TMEM132D: variants seen among roughly 807,000 people sequenced by gnomAD.
TMEM132D encodes the protein mature OL transmembrane protein.
A neutral mutation model predicts 62.3 loss-of-function variants in TMEM132D; 21 were observed. The ratio of observed to expected loss-of-function variants is 0.34; its 90% CI spans 0.24 to 0.49. The LOEUF is 0.49. TMEM132D is among the 20% of genes least tolerant of loss of function. TMEM132D has a pLI of 0.99. For missense variants in TMEM132D, 1,346 were observed against 1,402.8 expected (o/e 0.96, Z 0.65); for synonymous variants, 621 against 575.6 (o/e 1.08, Z -1.13).
chr12:129,139,453 A>G (rs1876675519), intron 5 of TMEM132D, among the ~76,000 whole-genome samples: 1 of 152,146 alleles, frequency 6.6e-6, no homozygotes, highest in Non-Finnish European at 1.5e-5. Context: ...CTGAACATCA[A>G]CCTTGCTCAT....
intron 3 of TMEM132D, among the ~76,000 whole-genome samples, chr12:129,520,472 C>G (rs1875817503): frequency 6.6e-6 from 1 of 152,132 alleles, no homozygotes; most frequent in Non-Finnish European, 1.5e-5. Context: ...CCAAATTGTC[C>G]TAGTTTTTCC....
At chr12:129,708,623 A>C (rs1329723282) in intron 1 of TMEM132D, among the ~76,000 whole-genome samples, 1 of 90,176 alleles carries the variant, frequency 1.1e-5, no homozygotes, top group African/African-American at 4.4e-5. Context: ...AAAAAAAAAA[A>C]AAAAAAAACA....
intron 2 of TMEM132D, among the ~76,000 whole-genome samples, chr12:129,645,741 G>A (rs1391197578): frequency 6.6e-6 from 1 of 152,152 alleles, no homozygotes; most frequent in African/African-American, 2.4e-5. Flanking sequence ...GAGAAGCCAG[G>A]CCAAATGCAC....
chr12:129,616,267 C>G (rs1157488779), intron 2 of TMEM132D, among the ~76,000 whole-genome samples: 1 of 152,152 alleles, frequency 6.6e-6, no homozygotes, highest in African/African-American at 2.4e-5. Flanking sequence ...ATCAGCGCCC[C>G]AATCTCATCA....
intron 3 of TMEM132D, among the ~76,000 whole-genome samples, chr12:129,481,367 G>A (rs1273246616): frequency 6.6e-6 from 1 of 151,496 alleles, no homozygotes; most frequent in Non-Finnish European, 1.5e-5. Flanking sequence ...GGAGGCTGAG[G>A]TGGGAGGATC....
intron 1 of TMEM132D, among the ~76,000 whole-genome samples, chr12:129,706,432 C>T (rs1040998695): frequency 6.6e-6 from 1 of 151,906 alleles, no homozygotes; most frequent in Admixed American, 6.6e-5. Flanking sequence ...ACACAATTCA[C>T]AATGCATAAA....
chr12:129,239,128 C>A (rs1296981710), intron 4 of TMEM132D, among the ~76,000 whole-genome samples: 1 of 151,368 alleles, frequency 6.6e-6, no homozygotes, highest in Non-Finnish European at 1.5e-5. Context: ...TACCCATTTG[C>A]ACATCTTCTT....
rs575539866 is a variant in TMEM132D, at chr12:129,073,726, C to A, written c.*149G>T. On this transcript the variant is annotated 3_prime_UTR_variant, in exon 9 of 9. Transcript: ENST00000422113. ...CGATGCGGACTCCAGGCCTCGCCGC[C>A]GAGCCGGGGTCATTGGCTGAGGCTG... 8.8e-6 allele frequency: 6 copies of A among 684,824 alleles called. No homozygotes were observed. The highest frequency in any genetic ancestry group is 1.4e-5 in the Non-Finnish European group (6 of 422,828). 42.4% of individuals were successfully genotyped at this position (684,824 alleles called of 1,614,324 possible). A position where few individuals can be genotyped will look rare whatever the true frequency, so the allele number is the denominator to read the frequency against.
At chr12:129,629,097 G>T (rs564722046) in intron 2 of TMEM132D, among the ~76,000 whole-genome samples, 1 of 150,900 alleles carries the variant, frequency 6.6e-6, no homozygotes, top group Non-Finnish European at 1.5e-5. Context: ...ACCCACCTTC[G>T]TGCCACCCTT....
chr12:129,587,558 G>A (rs887707312), intron 2 of TMEM132D, among the ~76,000 whole-genome samples: 5 of 151,840 alleles, frequency 3.3e-5, no homozygotes, highest in African/African-American at 9.7e-5. Flanking sequence ...AAAAAAACTC[G>A]CTCCAGAGCC....
At chr12:129,674,486 A>G (rs1281048803) in intron 2 of TMEM132D, among the ~76,000 whole-genome samples, 5 of 152,190 alleles carry the variant, frequency 3.3e-5, no homozygotes, top group African/African-American at 1.2e-4. Context: ...TTATTTGTAT[A>G]ATTTTTGGTT....
At chr12:129,536,714 A>C (rs1312124746) in intron 2 of TMEM132D, among the ~76,000 whole-genome samples, 1 of 152,162 alleles carries the variant, frequency 6.6e-6, no homozygotes, top group Non-Finnish European at 1.5e-5. Context: ...TATTACTGGA[A>C]TATATTTGCT....
chr12:129,134,421 T>C (rs1428447649), intron 5 of TMEM132D, among the ~76,000 whole-genome samples: 2 of 152,124 alleles, frequency 1.3e-5, no homozygotes, highest in East Asian at 1.9e-4. Flanking sequence ...CCTGCTCACT[T>C]TGTGGCTCAG....
intron 4 of TMEM132D, among the ~76,000 whole-genome samples, chr12:129,288,878 C>T (rs1383498927): frequency 6.6e-6 from 1 of 152,148 alleles, no homozygotes; most frequent in African/African-American, 2.4e-5. Context: ...TACATACACA[C>T]AATGGGATAT....
intron 5 of TMEM132D, among the ~76,000 whole-genome samples, chr12:129,183,873 T>C (rs1328984218): frequency 1.3e-5 from 2 of 152,076 alleles, no homozygotes; most frequent in Non-Finnish European, 2.9e-5. Flanking sequence ...TGGACGATTC[T>C]TTGGAGCTGG....
chr12:129,873,194 G>C (rs141534723), intron 1 of TMEM132D, among the ~76,000 whole-genome samples: 2 of 152,074 alleles, frequency 1.3e-5, no homozygotes, highest in Admixed American at 6.6e-5. Context: ...TTAATTTATC[G>C]CATCAGACAT....
chr12:129,397,847 C>A (rs1871474998), intron 3 of TMEM132D, among the ~76,000 whole-genome samples: 1 of 152,174 alleles, frequency 6.6e-6, no homozygotes, highest in South Asian at 2.1e-4. Context: ...TCATCTCAGG[C>A]TGTAGAGCCA....
chr12:129,404,270 C>A (rs1391987662), intron 3 of TMEM132D, among the ~76,000 whole-genome samples: 1 of 151,990 alleles, frequency 6.6e-6, no homozygotes, highest in Non-Finnish European at 1.5e-5. Context: ...ACGATCTCGG[C>A]TCACTGCAAC....
At chr12:129,836,492 CAG>C (rs1593181158) in intron 1 of TMEM132D, among the ~76,000 whole-genome samples, 1 of 142,904 alleles carries the variant, frequency 7.0e-6, no homozygotes, top group Non-Finnish European at 1.6e-5. Flanking sequence ...TCCAGGAATG[CAG>C]AGTGTGTGTG....
Sources: gnomAD v4.1 joint callset for allele counts (sites outside exome capture counted in the v4.1 genomes callset) on GRCh38, gnomAD v4.1.1 for gene constraint, MANE v1.5 for transcripts, NCBI Gene and HGNC (gene_info 2026-07-23, HGNC 2026-07-21) for gene names.